The following DACH2 variants were observed in gnomAD, a reference collection of about 807,000 sequenced individuals.
DACH2 encodes dachshund homolog 2.
A neutral mutation model predicts 35.8 loss-of-function variants in DACH2; 17 were observed. The ratio of observed to expected loss-of-function variants is 0.48; its 90% CI spans 0.33 to 0.71. The LOEUF (loss-of-function observed/expected upper bound fraction) is 0.71. DACH2 is among the 30% of genes least tolerant of loss of function. The pLI is 0.02. For synonymous variants in DACH2, 195 were observed against 177.3 expected, an observed-to-expected ratio of 1.10 and a Z score of -0.79; for missense variants, 469 against 472.7, an observed-to-expected ratio of 0.99 and a Z score of 0.07.
At chrX:86,492,587 C>T (rs1329069965) in intron 2 of DACH2, among the ~76,000 whole-genome samples, 2 of 111,413 alleles carry the variant, frequency 1.8e-5, no homozygotes, top group Non-Finnish European at 3.8e-5. Context: ...GTTAGTTTTC[C>T]AAACCTTGCT....
rs1360932677 is a variant in DACH2 at position 86,426,755 on chromosome X, C to T, written c.527+49893C>T. Among the ~76,000 whole-genome samples, 7 of 111,361 alleles carry T rather than the reference C, an allele frequency of 6.3e-5. No individual in the cohort carries two copies. In the Admixed American group the frequency reaches 6.7e-4, roughly 11 times the overall value. Reference sequence around the variant, plus strand: ...ATTCCTCAGTCTAACCCCAAAGAGGCAAGTTATAGAATCTCCCAAGATAGT... The same window carrying T: ...ATTCCTCAGTCTAACCCCAAAGAGGTAAGTTATAGAATCTCCCAAGATAGT... On this transcript the variant is annotated intron_variant, in intron 2 of 11. Coordinates refer to ENST00000373125, the MANE Select transcript of DACH2 (RefSeq NM_053281.3).
chrX:86,500,739 T>A (rs1001931895), intron 2 of DACH2, among the ~76,000 whole-genome samples: 1 of 111,950 alleles, frequency 8.9e-6, no homozygotes, highest in Non-Finnish European at 1.9e-5. Flanking sequence ...AAGATTAGAC[T>A]ATATGCTTTC....
At chrX:86,572,333 C>A (rs1327464883) in intron 3 of DACH2, among the ~76,000 whole-genome samples, 5 of 111,163 alleles carry the variant, frequency 4.5e-5, no homozygotes, top group Non-Finnish European at 7.6e-5. Context: ...AAAAAAAATT[C>A]AGTGTTCAAA....
intron 5 of DACH2, among the ~76,000 whole-genome samples, chrX:86,708,845 G>A (rs1237570386): frequency 9.0e-6 from 1 of 111,194 alleles, no homozygotes; most frequent in African/African-American, 3.3e-5. Context: ...AGTAAACATA[G>A]CAAAATATAT....
chrX:86,801,975 G>C (rs1157142689), intron 7 of DACH2, among the ~76,000 whole-genome samples: 2 of 111,697 alleles, frequency 1.8e-5, no homozygotes, highest in South Asian at 7.3e-4. Context: ...AAAACCAACT[G>C]GTTGATATAT....
chrX:86,369,134 G>C (rs929376093), intron 1 of DACH2, among the ~76,000 whole-genome samples: 1 of 110,540 alleles, frequency 9.0e-6, no homozygotes, highest in African/African-American at 3.3e-5. Flanking sequence ...ACAACAAGTG[G>C]TATTATTATT....
chrX:86,666,312 TGAGA>T (rs1556363112), intron 4 of DACH2, among the ~76,000 whole-genome samples: 5 of 99,947 alleles, frequency 5.0e-5, no homozygotes, highest in East Asian at 3.2e-4. Context: ...TGTGTGTGTG[TGAGA>T]GAGAGAGAGA....
At chrX:86,343,188 T>C (rs2035441262) in intron 1 of DACH2, among the ~76,000 whole-genome samples, 1 of 111,693 alleles carries the variant, frequency 9.0e-6, no homozygotes, top group Non-Finnish European at 1.9e-5. Context: ...CTGTTGAATT[T>C]GGGTAATGGC....
chrX:86,449,089 G>A (rs2037317570), intron 2 of DACH2, among the ~76,000 whole-genome samples: 1 of 14,676 alleles, frequency 6.8e-5, no homozygotes, highest in African/African-American at 2.8e-4. Context: ...TTGCGTAGAG[G>A]TGTTTGTAGT....
intron 7 of DACH2, among the ~76,000 whole-genome samples, chrX:86,803,545 T>A (rs2042314673): frequency 9.0e-6 from 1 of 110,783 alleles, no homozygotes; most frequent in African/African-American, 3.3e-5. Context: ...CAATCTTGTC[T>A]TTTTGAATAA....
At chrX:86,397,762 G>A (rs1201269529) in intron 2 of DACH2, among the ~76,000 whole-genome samples, 2 of 111,768 alleles carry the variant, frequency 1.8e-5, no homozygotes, top group Middle Eastern at 4.7e-3. Flanking sequence ...TGGTGAATAA[G>A]CTTTTTGATG....
intron 2 of DACH2, among the ~76,000 whole-genome samples, chrX:86,416,142 T>A (rs2036699918): frequency 8.9e-6 from 1 of 112,248 alleles, no homozygotes; most frequent in South Asian, 3.6e-4. Context: ...TTTTACACAA[T>A]TGTATATGCA....
At chrX:86,772,706 A>T (rs2041998005) in intron 7 of DACH2, among the ~76,000 whole-genome samples, 1 of 111,432 alleles carries the variant, frequency 9.0e-6, no homozygotes, top group Admixed American at 9.6e-5. Context: ...AATTGCCAGA[A>T]ATATGACAGG....
intron 4 of DACH2, among the ~76,000 whole-genome samples, chrX:86,682,507 GT>G (rs1410140775): frequency 1.8e-5 from 2 of 111,701 alleles, no homozygotes; most frequent in African/African-American, 6.5e-5. Flanking sequence ...TGCTTTCAGC[GT>G]TTTTCAGGCT....
At chrX:86,744,392 G>A (rs766601390) in intron 7 of DACH2, among the ~76,000 whole-genome samples, 44 of 111,637 alleles carry the variant, frequency 3.9e-4, no homozygotes, top group Non-Finnish European at 7.4e-4. Flanking sequence ...ATAGAGTTTA[G>A]TTATTAAAAG....
chrX:86,344,009 G>T (rs1444841694), intron 1 of DACH2, among the ~76,000 whole-genome samples: 2 of 109,212 alleles, frequency 1.8e-5, no homozygotes, highest in African/African-American at 6.7e-5. Flanking sequence ...TACACAACAG[G>T]GTAACTAAAG....
In DACH2 at chrX:86,514,411, G is replaced by A; in HGVS notation, c.640+20G>A. 1 of 1,166,734 alleles carries A rather than the reference G, an allele frequency of 8.6e-7. No homozygotes were observed. The highest frequency in any genetic ancestry group is 1.2e-6 in the Non-Finnish European group (1 of 858,020). ...CGACAGGTAATAAAATCCATCTGAT[G>A]ATCAGCCATGTCTCTTCGTACTGCC... On this transcript the variant is annotated intron_variant, in intron 3 of 11. Transcript: ENST00000373125.
At chrX:86,405,619 T>A (rs960103413) in intron 2 of DACH2, among the ~76,000 whole-genome samples, 2 of 111,540 alleles carry the variant, frequency 1.8e-5, no homozygotes, top group East Asian at 5.6e-4. Context: ...TTCCAAACTT[T>A]CCCACATTTC....
chrX:86,280,794 T>C (rs1030521824), intron 1 of DACH2, among the ~76,000 whole-genome samples: 7 of 111,714 alleles, frequency 6.3e-5, no homozygotes, highest in Admixed American at 9.5e-5. Flanking sequence ...TAGCAGCGTT[T>C]GCAATCCTAG....
Sources: gnomAD v4.1 joint callset for allele counts (sites outside exome capture counted in the v4.1 genomes callset) on GRCh38, gnomAD v4.1.1 for gene constraint, MANE v1.5 for transcripts, NCBI Gene and HGNC (gene_info 2026-07-23, HGNC 2026-07-21) for gene names.